The following FTO variants were observed in gnomAD, a reference collection of about 807,000 sequenced individuals.
FTO encodes alpha-ketoglutarate-dependent dioxygenase FTO.
A neutral mutation model predicts 63.9 loss-of-function variants in FTO; 47 were observed. That is an observed-to-expected ratio of 0.74 (90% CI 0.58 to 0.94). The LOEUF (loss-of-function observed/expected upper bound fraction) is 0.94, where lower values mean the gene tolerates loss of function less well. Ranked by LOEUF, FTO falls within the 40% of genes least tolerant of loss-of-function variation. The pLI, the probability that FTO is intolerant of heterozygous loss-of-function variation, is 0.00. For synonymous variants in FTO, 207 were observed against 224.4 expected, an observed-to-expected ratio of 0.92 and a Z score of 0.69; for missense variants, 562 against 618.1, an observed-to-expected ratio of 0.91 and a Z score of 0.96.
At chr16:53,758,317 C>A (rs1206983969) in intron 1 of FTO, among the ~76,000 whole-genome samples, 8 of 152,070 alleles carry the variant, frequency 5.3e-5, no homozygotes, top group Non-Finnish European at 1.0e-4. Context: ...AATAAGCCAT[C>A]GACTAATTGA....
intron 8 of FTO, among the ~76,000 whole-genome samples, chr16:54,011,670 C>T (rs1428646295): frequency 6.6e-6 from 1 of 152,022 alleles, no homozygotes; most frequent in Non-Finnish European, 1.5e-5. Flanking sequence ...GTAATTCTTG[C>T]AATCTTTCAA....
chr16:53,921,944 G>A (rs2082016501), intron 7 of FTO, among the ~76,000 whole-genome samples: 1 of 152,132 alleles, frequency 6.6e-6, no homozygotes, highest in Non-Finnish European at 1.5e-5. Context: ...GCGAGCTAGA[G>A]ATTTAAAGAA....
intron 1 of FTO, among the ~76,000 whole-genome samples, chr16:53,733,836 T>C (rs1329125248): frequency 6.6e-6 from 1 of 152,192 alleles, no homozygotes. Context: ...AATTTTTAAA[T>C]CTTAAAATGT....
Position 53,710,486 on chromosome 16 carries a change from A to T in FTO, c.45+6257A>T, listed in dbSNP as rs143155370. On this transcript the variant is annotated intron_variant, in intron 1 of 8. Transcript: ENST00000471389. ...CACCATGTTGGCCAGCCTGATCTCGAACTCCTGACCTCGTGATTCACCTGC... is the reference window on the plus strand; with the variant it reads ...CACCATGTTGGCCAGCCTGATCTCGTACTCCTGACCTCGTGATTCACCTGC... Among the ~76,000 whole-genome samples, 91 of 152,078 alleles carry T rather than the reference A, an allele frequency of 6.0e-4. 1 individual carries two copies. The East Asian group carries it at 0.015, about 25-fold the overall frequency.
intron 8 of FTO, among the ~76,000 whole-genome samples, chr16:54,074,882 G>A (rs2085948650): frequency 6.7e-6 from 1 of 150,182 alleles, no homozygotes; most frequent in African/African-American, 2.5e-5. Flanking sequence ...GCTTTAACCA[G>A]AACTGGAAAG....
chr16:54,001,281 G>T (rs370982087), intron 8 of FTO, among the ~76,000 whole-genome samples: 2 of 152,112 alleles, frequency 1.3e-5, no homozygotes, highest in Admixed American at 6.5e-5. Flanking sequence ...AGTTTTTTCC[G>T]TGCCATTCTA....
chr16:53,854,578 G>T (rs1456894962), intron 4 of FTO, among the ~76,000 whole-genome samples: 1 of 152,064 alleles, frequency 6.6e-6, no homozygotes, highest in Non-Finnish European at 1.5e-5. Context: ...CTTTGTCGAA[G>T]ATCAGTTAGT....
chr16:54,102,874 T>A (rs1238002045), intron 8 of FTO, among the ~76,000 whole-genome samples: 1 of 152,134 alleles, frequency 6.6e-6, no homozygotes, highest in Admixed American at 6.5e-5. Context: ...ATTTCTTGTC[T>A]GTGCATGGTG....
rs183313235 is a variant in FTO at position 53,751,727 on chromosome 16, T to C, written c.45+47498T>C. On this transcript the variant is annotated intron_variant, in intron 1 of 8. Transcript: ENST00000471389. ...AGTTCTAAACTTAGAATATGGTGATTGTTGAACAACTCTGTGGATATACTA... is the reference window on the plus strand; with the variant it reads ...AGTTCTAAACTTAGAATATGGTGATCGTTGAACAACTCTGTGGATATACTA... Among the ~76,000 whole-genome samples, 320 of 152,268 alleles carry C rather than the reference T, an allele frequency of 2.1e-3. 2 individuals carry two copies. The highest frequency in any genetic ancestry group is 0.018 in the South Asian group (89 of 4,820).
chr16:54,100,467 C>G (rs181383689), intron 8 of FTO, among the ~76,000 whole-genome samples: 1 of 152,232 alleles, frequency 6.6e-6, no homozygotes, highest in Admixed American at 6.5e-5. Flanking sequence ...ATCCTCCCAC[C>G]TCAGCCTCCC....
rs573084209 is a variant in FTO at position 53,806,240 on chromosome 16, C to G, written c.46-3900C>G. On this transcript the variant is annotated intron_variant, in intron 1 of 8. Coordinates refer to ENST00000471389, the MANE Select transcript of FTO (RefSeq NM_001080432.3). ...CACTTTCTAAAACAATGCCAAAAAT[C>G]ATGTTGTCTTCATCTTTATACTGAA... Among the ~76,000 whole-genome samples, 54 of 152,240 alleles carry G rather than the reference C, an allele frequency of 3.5e-4. No homozygotes were observed. In the South Asian group the frequency reaches 5.4e-3, roughly 15 times the overall value.
At chr16:53,777,891 A>AT (rs553012593) in intron 1 of FTO, among the ~76,000 whole-genome samples, 96 of 152,258 alleles carry the variant, frequency 6.3e-4, no homozygotes, top group African/African-American at 2.2e-3. Flanking sequence ...TCAGTCAGCT[A>AT]TTTTTTCAAG....
At chr16:53,728,212 C>T (rs1305699980) in intron 1 of FTO, among the ~76,000 whole-genome samples, 1 of 152,072 alleles carries the variant, frequency 6.6e-6, no homozygotes, top group African/African-American at 2.4e-5. Context: ...GCACTCCAGC[C>T]TGGGCAACAG....
In FTO at chr16:54,113,260, G is replaced by C. The variant is rs2086927981; in HGVS notation, c.*1345G>C. The C allele has an allele frequency of 6.7e-6, 1 of 148,354 alleles. No individual in the cohort carries two copies. Among genetic ancestry groups the C allele is most frequent in the African/African-American group, 2.5e-5 (1 of 39,998 alleles). The allele number at this position is 148,354 out of a possible 1,614,324, so 9.2% of individuals were successfully genotyped here. On this transcript the variant is annotated 3_prime_UTR_variant, in exon 9 of 9. Coordinates refer to ENST00000471389, the MANE Select transcript of FTO (RefSeq NM_001080432.3). ...TTTCTGACCTGGCTCCTGCCCATTG[G>C]TGTCCCAAGAAATCGTGAGAATAGT... is the stretch of plus-strand genomic sequence containing the variant.
At chr16:54,051,258 A>C (rs2144331290) in intron 8 of FTO, among the ~76,000 whole-genome samples, 1 of 152,338 alleles carries the variant, frequency 6.6e-6, no homozygotes, top group South Asian at 2.1e-4. Flanking sequence ...AACTCTGCCC[A>C]GCTGGCCGGT....
chr16:54,064,629 G>A (rs2085673572), intron 8 of FTO, among the ~76,000 whole-genome samples: 1 of 152,200 alleles, frequency 6.6e-6, no homozygotes. Context: ...GGGGCAGGGA[G>A]AGACCATTGC....
At position 53,941,856 on chromosome 16, in the gene FTO, G is replaced by T. The variant is rs534277171; in HGVS notation, c.1364+7747G>T. 5.3e-5 allele frequency among the ~76,000 whole-genome samples: 8 copies of T among 152,202 alleles called. No individual in the cohort carries two copies. In the South Asian group the frequency reaches 1.5e-3, roughly 28 times the overall value. On this transcript the variant is annotated intron_variant, in intron 8 of 8. Coordinates refer to ENST00000471389, the MANE Select transcript of FTO (RefSeq NM_001080432.3). Reference sequence around the variant, plus strand: ...AGCAAGACCCTGTTTCAAAACAAAAGAACAAATTTGCACCCCAGATCTTTG... The same window carrying T: ...AGCAAGACCCTGTTTCAAAACAAAATAACAAATTTGCACCCCAGATCTTTG...
At chr16:54,091,446 G>A (rs2086381511) in intron 8 of FTO, among the ~76,000 whole-genome samples, 1 of 152,116 alleles carries the variant, frequency 6.6e-6, no homozygotes, top group South Asian at 2.1e-4. Context: ...AGGCTGAGTT[G>A]GGAGGATCAC....
intron 7 of FTO, among the ~76,000 whole-genome samples, chr16:53,923,408 C>T (rs900890639): frequency 2.0e-5 from 3 of 152,324 alleles, no homozygotes; most frequent in Admixed American, 1.3e-4. Flanking sequence ...AGGGGCCAAA[C>T]GATCACATAC....
Sources: gnomAD v4.1 joint callset for allele counts (sites outside exome capture counted in the v4.1 genomes callset) on GRCh38, gnomAD v4.1.1 for gene constraint, MANE v1.5 for transcripts, NCBI Gene and HGNC (gene_info 2026-07-23, HGNC 2026-07-21) for gene names.